The following FAM149A variants were observed in gnomAD, a reference collection of about 807,000 sequenced individuals.
FAM149A encodes protein FAM149A.
FAM149A carries 71 observed loss-of-function variants against 78.2 expected under a neutral mutation model. The observed-to-expected ratio is 0.91, with a 90% confidence interval of 0.75 to 1.11. The LOEUF (loss-of-function observed/expected upper bound fraction) is 1.11, where lower values mean the gene tolerates loss of function less well. Among genes scored for constraint, FAM149A ranks in the 50% least tolerant of loss-of-function variants. FAM149A has a pLI of 0.00. For missense variants in FAM149A, 1,036 were observed against 971.0 expected (o/e 1.07, Z -0.89); for synonymous variants, 446 against 410.5 (o/e 1.09, Z -1.04).
chr4:186,169,865 A>G, intron 13 of FAM149A: 1 of 985,458 alleles, frequency 1.0e-6, no homozygotes, highest in Non-Finnish European at 1.2e-6. Flanking sequence ...CTGACCCAAG[A>G]CAAAAGAGCT....
At chr4:186,150,482 C>G (rs13127380) in intron 3 of FAM149A, among the ~76,000 whole-genome samples, 30,705 of 113,372 alleles carry the variant, frequency 0.27, 4,545 homozygotes, top group East Asian at 0.41. Context: ...TGCAGGGGCG[C>G]GATCTCGGCT....
At position 186,163,119 on chromosome 4, in the gene FAM149A, A is replaced by T. The variant is rs192613419; in HGVS notation, c.1679+171A>T. On this transcript the variant is annotated intron_variant, in intron 9 of 13. Coordinates refer to ENST00000389354, the MANE Select transcript of FAM149A (RefSeq NM_001367768.3). ...AAACAGACCCTTTAGTACCAACCAC[A>T]AAACAGTTACTATCGTGTATTTGGT... 6.4e-4 allele frequency among the ~76,000 whole-genome samples: 98 copies of T among 152,252 alleles called. 1 individual carries two copies. Among genetic ancestry groups the T allele is most frequent in the Non-Finnish European group, 1.3e-3 (87 of 68,006 alleles).
intron 1 of FAM149A, chr4:186,125,597 G>A (rs1236842018): frequency 1.6e-6 from 1 of 630,888 alleles, no homozygotes; most frequent in Non-Finnish European, 2.0e-6. Context: ...ACGAGGTAAA[G>A]GGAGAGTCAA....
At chr4:186,108,429 A>C (rs2099309676) in intron 1 of FAM149A, among the ~76,000 whole-genome samples, 1 of 152,164 alleles carries the variant, frequency 6.6e-6, no homozygotes, top group Non-Finnish European at 1.5e-5. Context: ...AAAAAAACAA[A>C]AAACTAAAAG....
At chr4:186,151,829 A>T (rs1482437315) in intron 3 of FAM149A, 74 bp from the exon 4 acceptor site, 2 of 1,560,316 alleles carry the variant, frequency 1.3e-6, no homozygotes, top group Non-Finnish European at 1.7e-6. Flanking sequence ...CAGTAAATGT[A>T]TAAGTAGCGT....
chr4:186,135,496 G>A lies in FAM149A; in HGVS notation c.567-13677G>A, dbSNP rs566966876. 9.9e-5 allele frequency among the ~76,000 whole-genome samples: 15 copies of A among 152,230 alleles called. No individual in the cohort carries two copies. The South Asian group carries it at 1.5e-3, about 15-fold the overall frequency. ...GCTGCAGAGGAAATACAGGGTTCGC[G>A]TCCTGTGAGTCTCCAGTCTCAACAT... is the stretch of plus-strand genomic sequence containing the variant. On this transcript the variant is annotated intron_variant, in intron 1 of 13. Transcript: ENST00000389354.
At chr4:186,137,112 C>A (rs1451221461) in intron 1 of FAM149A, among the ~76,000 whole-genome samples, 1 of 151,048 alleles carries the variant, frequency 6.6e-6, no homozygotes, top group Non-Finnish European at 1.5e-5. Context: ...TAAAATAGAC[C>A]AATAATGAAA....
intron 8 of FAM149A, among the ~76,000 whole-genome samples, chr4:186,159,978 CCA>C (rs752584665): frequency 1.3e-4 from 20 of 148,352 alleles, no homozygotes; most frequent in African/African-American, 2.3e-4. Context: ...ACCAAACACA[CCA>C]CACACACACA....
At chr4:186,166,502 T>G (rs1193745693) in intron 11 of FAM149A, among the ~76,000 whole-genome samples, 1 of 151,884 alleles carries the variant, frequency 6.6e-6, no homozygotes, top group Admixed American at 6.6e-5. Flanking sequence ...TACAAAAAAA[T>G]TACCTGGATG....
chr4:186,153,838 A>G (rs571965328), intron 5 of FAM149A, 68 bp downstream of exon 5: 1 of 1,526,136 alleles, frequency 6.6e-7, no homozygotes, highest in South Asian at 1.2e-5. Context: ...TTTCATGTTT[A>G]TCTCATCTAT....
chr4:186,116,469 GATA>G (rs1309277795), intron 1 of FAM149A: 1 of 984,174 alleles, frequency 1.0e-6, no homozygotes, highest in Non-Finnish European at 1.2e-6. Flanking sequence ...TGTCATTAAA[GATA>G]ATAATGAATT....
chr4:186,108,581 G>A (rs918408321), intron 1 of FAM149A, among the ~76,000 whole-genome samples: 1 of 152,148 alleles, frequency 6.6e-6, no homozygotes, highest in Admixed American at 6.5e-5. Context: ...ATGGAACAGA[G>A]GCTGCCCCTT....
chr4:186,156,048 G>A lies in FAM149A; in HGVS notation c.1278G>A (p.Trp426Ter). The stretch of plus-strand genomic sequence containing the variant: ...AACCAGCTCAGCCCGGTAGGAAATG[G>A]CGCAAACTCGGACTTCCTCCTGTTT... Residue 426 changes from tryptophan to a stop codon, truncating the protein, a stop_gained, in exon 7 of 14, where the codon TGG becomes TGA. Coordinates refer to ENST00000389354, the MANE Select transcript of FAM149A (RefSeq NM_001367768.3). LOFTEE classifies it high-confidence loss of function. 2 of 1,613,842 alleles carry A rather than the reference G, an allele frequency of 1.2e-6. No individual in the cohort carries two copies. Among genetic ancestry groups the A allele is most frequent in the Admixed American group, 1.7e-5 (1 of 59,986 alleles).
Position 186,164,487 on chromosome 4 carries a change from T to C in FAM149A, c.1889+854T>C, listed in dbSNP as rs909997931. 1.0e-6 allele frequency: 1 copy of C among 985,404 alleles called. No individual in the cohort carries two copies. The highest frequency in any genetic ancestry group is 1.2e-6 in the Non-Finnish European group (1 of 829,898). 61.0% of individuals were successfully genotyped at this position (985,404 alleles called of 1,614,324 possible). On this transcript the variant is annotated intron_variant, in intron 10 of 13. Transcript: ENST00000389354. This position sits in a 1 kb window ranked among gnomAD's most constrained non-coding sequence, Gnocchi z 4.0. ...AACGCTTACCTGGCACCCAGACTTTTTCCAGATGCAGTCATAACCCCCCTT... is the reference window on the plus strand; with the variant it reads ...AACGCTTACCTGGCACCCAGACTTTCTCCAGATGCAGTCATAACCCCCCTT...
rs201664528 is a variant in FAM149A at position 186,167,185 on chromosome 4, C to T, written c.2141C>T (p.Ser714Leu). Residue 714 changes from serine (S) to leucine (L), a missense_variant and splice_region_variant, in exon 13 of 14, where the codon TCG (serine) becomes TTG (leucine). By Grantham distance (145) the Ser-to-Leu change is moderately radical. This residue lies in a region of FAM149A where 716 missense variants were observed against 711.8 expected (regional missense o/e 1.01). Coordinates refer to ENST00000389354, the MANE Select transcript of FAM149A (RefSeq NM_001367768.3). The stretch of plus-strand genomic sequence containing the variant: ...CTGATTTTATTTTTCTTCCAGCAGT[C>T]GGATACGCCTCGAAAAAGTTCATTG... 22 of 1,609,518 alleles carry T rather than the reference C, an allele frequency of 1.4e-5. No individual in the cohort carries two copies. The highest frequency in any genetic ancestry group is 1.3e-4 in the East Asian group (6 of 44,770).
At chr4:186,147,608 T>G (rs1486382265) in intron 1 of FAM149A, among the ~76,000 whole-genome samples, 2 of 152,248 alleles carry the variant, frequency 1.3e-5, no homozygotes, top group African/African-American at 4.8e-5. Context: ...TAATTCATCA[T>G]GCTGAGTTTT....
In FAM149A at chr4:186,105,133, G is replaced by A. The variant is rs1481495302; in HGVS notation, c.57G>A (p.Ser19=). Residue 19 remains serine (S), a synonymous_variant, in exon 1 of 14, where the codon TCG becomes TCA. Transcript: ENST00000389354. The stretch of plus-strand genomic sequence containing the variant: ...TCTTGGCCAAACTCTTCGAGACCTC[G>A]ACGGCGCCCCCCGCAGGCCCCTCCT... The A allele has an allele frequency of 7.8e-7, 1 of 1,280,350 alleles. No homozygotes were observed. Among genetic ancestry groups the A allele is most frequent in the Non-Finnish European group, 1.0e-6 (1 of 985,048 alleles). The allele number at this position is 1,280,350 out of a possible 1,614,324, so 79.3% of individuals were successfully genotyped here. A position where few individuals can be genotyped will look rare whatever the true frequency, so the allele number is the denominator to read the frequency against.
chr4:186,166,777 A>C (rs781449284), intron 11 of FAM149A, among the ~76,000 whole-genome samples, 191 bp from the exon 12 acceptor site: 2 of 151,584 alleles, frequency 1.3e-5, no homozygotes, highest in Non-Finnish European at 2.9e-5. Context: ...TAATTTTATC[A>C]GGCTTAATAG....
rs2099308283 is a variant in FAM149A, at chr4:186,105,255, C to G, written c.179C>G (p.Pro60Arg). 8.2e-7 allele frequency: 1 copy of G among 1,218,570 alleles called. No individual in the cohort carries two copies. Among genetic ancestry groups the G allele is most frequent in the African/African-American group, 1.7e-5 (1 of 60,546 alleles). The allele number at this position is 1,218,570 out of a possible 1,614,324, so 75.5% of individuals were successfully genotyped here. A position where few individuals can be genotyped will look rare whatever the true frequency, so the allele number is the denominator to read the frequency against. ...CCGACCCTCCTCCGCGCCCTGGCTC[C>G]GGACTCCCCCTCCGCCTCGCGGCGG... Residue 60 changes from proline to arginine, a missense_variant, in exon 1 of 14, where the codon CCG (proline) becomes CGG (arginine). Pro to Arg is a moderately radical substitution (Grantham distance 103, BLOSUM62 -2). Around this residue, in one of 3 missense-constraint regions of FAM149A, gnomAD observed 316 missense variants for 241.9 expected, o/e 1.31. Coordinates refer to ENST00000389354, the MANE Select transcript of FAM149A (RefSeq NM_001367768.3).
Sources: allele counts gnomAD v4.1 joint callset (sites outside exome capture counted in the v4.1 genomes callset), GRCh38; gene constraint gnomAD v4.1.1; regional missense constraint gnomAD v4.1.1; non-coding constraint Gnocchi (gnomAD v3.1); transcripts MANE v1.5; gene names NCBI Gene and HGNC (gene_info 2026-07-23, HGNC 2026-07-21).